Variants in FAM53C observed in about 807,000 individuals in gnomAD.
FAM53C encodes the protein protein FAM53C.
A neutral mutation model predicts 34.7 loss-of-function variants in FAM53C; 10 were observed. The ratio of observed to expected loss-of-function variants is 0.29; its 90% CI spans 0.18 to 0.49. The LOEUF (loss-of-function observed/expected upper bound fraction) is 0.49, where lower values mean the gene tolerates loss of function less well. Among genes scored for constraint, FAM53C ranks in the 20% least tolerant of loss-of-function variants. The pLI, the probability that FAM53C is intolerant of heterozygous loss-of-function variation, is 0.99. For synonymous variants in FAM53C, 203 were observed against 203.6 expected, an observed-to-expected ratio of 1.00 and a Z score of 0.03; for missense variants, 442 against 515.3, an observed-to-expected ratio of 0.86 and a Z score of 1.38.
chr5:138,342,062 T>G, intron 3 of FAM53C, 196 bp downstream of exon 3: 2 of 551,070 alleles, frequency 3.6e-6, no homozygotes, highest in Non-Finnish European at 6.6e-6. Flanking sequence ...TATTCTAGCT[T>G]TGTGGGGACT....
chr5:138,342,721 C>G (rs2126887147), intron 3 of FAM53C: 1 of 146,870 alleles, frequency 6.8e-6, no homozygotes, highest in East Asian at 2.0e-4. Flanking sequence ...GAGCAAAACT[C>G]TGTCTCAAAA....
chr5:138,339,739 A>G (rs933733085), intron 1 of FAM53C, among the ~76,000 whole-genome samples: 6 of 152,204 alleles, frequency 3.9e-5, no homozygotes, highest in African/African-American at 1.4e-4. Flanking sequence ...CGGAAGCTAG[A>G]ATTTTGTTCA....
At chr5:138,341,105 G>C in intron 1 of FAM53C, 79 bp from the exon 2 acceptor site, 1 of 636,376 alleles carries the variant, frequency 1.6e-6, no homozygotes, top group East Asian at 3.2e-5. Flanking sequence ...GGGTGCTGTG[G>C]TATGTGTGCC....
intron 1 of FAM53C, 108 bp from the exon 2 acceptor site, chr5:138,341,076 T>C: frequency 1.8e-6 from 1 of 566,438 alleles, no homozygotes; most frequent in Non-Finnish European, 3.4e-6. Flanking sequence ...AATTGATGTC[T>C]GCCAGAGGCC....
In FAM53C at chr5:138,348,370, G is replaced by C. The variant is rs1459722680; in HGVS notation, c.*1411G>C. 1 of 152,322 alleles carries C rather than the reference G, an allele frequency of 6.6e-6. No individual in the cohort carries two copies. The highest frequency in any genetic ancestry group is 1.5e-5 in the Non-Finnish European group (1 of 68,034). The allele number at this position is 152,322 out of a possible 1,614,324, so 9.4% of individuals were successfully genotyped here. On this transcript the variant is annotated 3_prime_UTR_variant, in exon 5 of 5. Transcript: ENST00000239906. Reference sequence around the variant, plus strand: ...TGGGTTTAAGTACCTTGGTAGGGCTGGCACCAGTGGAAACACATACTGAAG... The same window carrying C: ...TGGGTTTAAGTACCTTGGTAGGGCTCGCACCAGTGGAAACACATACTGAAG...
rs1182943677 is a variant in FAM53C, at chr5:138,346,817, C to G, written c.1037C>G (p.Thr346Ser). 1 of 1,614,140 alleles carries G rather than the reference C, an allele frequency of 6.2e-7. No individual in the cohort carries two copies. The highest frequency in any genetic ancestry group is 8.5e-7 in the Non-Finnish European group (1 of 1,180,018). Residue 346 changes from threonine to serine, a missense_variant, in exon 5 of 5, where the codon ACT (threonine) becomes AGT (serine). Thr to Ser is a moderately conservative substitution (Grantham distance 58, BLOSUM62 1). Transcript: ENST00000239906. ...CCCCTCTCTGCTTCCTGCAGCCCCA[C>G]TGGGGGTTCCTCCCAGGTGCTGAGT... ...PPPLSASCSP[T>S]GGSSQVLSES...
Position 138,344,831 on chromosome 5 carries a change from C to A in FAM53C, c.143C>A (p.Ala48Asp). 6.5e-7 allele frequency: 1 copy of A among 1,538,382 alleles called. No homozygotes were observed. The highest frequency in any genetic ancestry group is 1.3e-5 in the South Asian group (1 of 79,670). The stretch of plus-strand genomic sequence containing the variant: ...TATTATAAATGCCTTCCAGAAGGTG[C>A]TTCCTGGAGGGGCCTGCCCCACTGT... ...GNSFQLVSEG[A>D]SWRGLPHCSC... Residue 48 changes from alanine (A) to aspartate (D), a missense_variant, in exon 4 of 5, where the codon GCT becomes GAT. Ala to Asp is a moderately radical substitution (Grantham distance 126, BLOSUM62 -2). Transcript: ENST00000239906.
Position 138,345,059 on chromosome 5 carries a change from C to T in FAM53C, c.371C>T (p.Pro124Leu). Residue 124 changes from proline (P) to leucine (L), a missense_variant, in exon 4 of 5, where the codon CCC becomes CTC. Transcript: ENST00000239906. The surrounding 1 kb of genome is among the most constrained non-coding windows in gnomAD (Gnocchi z 6.3). ...AGGCACTGCCGCTCACTCTCAGTGCCCGTGGACCTGTCTCGCTGGCAGCCG... is the reference window on the plus strand; with the variant it reads ...AGGCACTGCCGCTCACTCTCAGTGCTCGTGGACCTGTCTCGCTGGCAGCCG... ...SKRHCRSLSV[P>L]VDLSRWQPVW... is the part of the protein sequence containing the mutation. 6.2e-7 allele frequency: 1 copy of T among 1,614,008 alleles called. No individual in the cohort carries two copies. The highest frequency in any genetic ancestry group is 8.5e-7 in the Non-Finnish European group (1 of 1,179,896).
chr5:138,346,481 C>T (rs762859521), intron 4 of FAM53C, among the ~76,000 whole-genome samples: 8 of 152,150 alleles, frequency 5.3e-5, no homozygotes, highest in Non-Finnish European at 8.8e-5. Context: ...AAAAATTAGC[C>T]GGGCGTGGGC....
rs753315065 is a variant in FAM53C, at chr5:138,345,316, C to T, written c.628C>T (p.Pro210Ser). 1.2e-6 allele frequency: 2 copies of T among 1,614,252 alleles called. No homozygotes were observed. The highest frequency in any genetic ancestry group is 2.2e-5 in the East Asian group (1 of 44,882). Residue 210 changes from proline (P) to serine (S), a missense_variant, in exon 4 of 5, where the codon CCT becomes TCT. Physicochemically the swap from Pro to Ser is moderately conservative, Grantham distance 74 (BLOSUM62 -1). Coordinates refer to ENST00000239906, the MANE Select transcript of FAM53C (RefSeq NM_016605.3). This position sits in a 1 kb window ranked among gnomAD's most constrained non-coding sequence, Gnocchi z 6.3. ...TTCCTCTCGACCCTGCGCCGCCTCC[C>T]CTCAAAGTGGCTCCTGGGAGAGTGA... ...QDSSRPCAAS[P>S]QSGSWESDAE...
chr5:138,343,876 A>G (rs1353532386), intron 3 of FAM53C: 1 of 152,264 alleles, frequency 6.6e-6, no homozygotes, highest in African/African-American at 2.4e-5. Flanking sequence ...CATAGTGGTT[A>G]GTAGAGGGAA....
Position 138,345,747 on chromosome 5 carries a change from C to T in FAM53C, c.921+138C>T, listed in dbSNP as rs1388549738. On this transcript the variant is annotated intron_variant, in intron 4 of 4. Coordinates refer to ENST00000239906, the MANE Select transcript of FAM53C (RefSeq NM_016605.3). The surrounding 1 kb of genome is among the most constrained non-coding windows in gnomAD (Gnocchi z 6.3). ...CTCCTTTAGCTCTTAGCTAGGGTGA[C>T]CTACCATCCCAGTTTGCCTGGGACT... is the stretch of plus-strand genomic sequence containing the variant. The T allele has an allele frequency of 4.9e-6, 5 of 1,026,108 alleles. No individual in the cohort carries two copies. Among genetic ancestry groups the T allele is most frequent in the Non-Finnish European group, 7.0e-6 (5 of 711,038 alleles). 63.6% of individuals were successfully genotyped at this position (1,026,108 alleles called of 1,614,324 possible).
At position 138,344,968 on chromosome 5, in the gene FAM53C, C is replaced by G; in HGVS notation, c.280C>G (p.Gln94Glu). The change falls in exon 4 of 5, where the codon CAA becomes GAA. Residue 94 changes from glutamine (Q) to glutamate (E), a missense_variant. Coordinates refer to ENST00000239906, the MANE Select transcript of FAM53C (RefSeq NM_016605.3). Reference protein sequence around the residue: ...GNSPKEQPFSQVLRPEPPDPE... With the variant: ...GNSPKEQPFSEVLRPEPPDPE... ...CTCCCCCAAGGAGCAGCCCTTCTCC[C>G]AAGTCCTAAGACCTGAGCCCCCAGA... The G allele has an allele frequency of 6.2e-7, 1 of 1,614,080 alleles. No individual in the cohort carries two copies. The highest frequency in any genetic ancestry group is 8.5e-7 in the Non-Finnish European group (1 of 1,179,994).
At position 138,349,282 on chromosome 5, in the gene FAM53C, C is replaced by T. The variant is rs1027574366; in HGVS notation, c.*2323C>T. 4.1e-4 allele frequency: 62 copies of T among 152,792 alleles called. No homozygotes were observed. Among genetic ancestry groups the T allele is most frequent in the African/African-American group, 1.4e-3 (58 of 41,574 alleles). The allele number at this position is 152,792 out of a possible 1,614,324, so 9.5% of individuals were successfully genotyped here. A position where few individuals can be genotyped will look rare whatever the true frequency, so the allele number is the denominator to read the frequency against. ...ATTTAAAAGCAGCCTATGATTGCTT[C>T]TTTTTGTAAAGCAAGCAACCTCCCT... On this transcript the variant is annotated 3_prime_UTR_variant, in exon 5 of 5. Transcript: ENST00000239906.
At chr5:138,343,927 A>T (rs1387090823) in intron 3 of FAM53C, among the ~76,000 whole-genome samples, 2 of 152,192 alleles carry the variant, frequency 1.3e-5, no homozygotes, top group African/African-American at 4.8e-5. Context: ...TTTTGCCACC[A>T]TCAAGTCTGA....
chr5:138,337,783 A>C, upstream of FAM53C: 1 of 389,108 alleles, frequency 2.6e-6, no homozygotes, highest in Non-Finnish European at 4.7e-6. Context: ...CACGCCGCGG[A>C]CGGGTCCTTT....
Position 138,346,781 on chromosome 5 carries a change from G to A in FAM53C, c.1001G>A (p.Cys334Tyr), listed in dbSNP as rs1301113281. 1 of 1,614,192 alleles carries A rather than the reference G, an allele frequency of 6.2e-7. No individual in the cohort carries two copies. Among genetic ancestry groups the A allele is most frequent in the East Asian group, 2.2e-5 (1 of 44,888 alleles). The change falls in exon 5 of 5, where the codon TGT becomes TAT. Residue 334 changes from cysteine to tyrosine, a missense_variant. Cys to Tyr is a radical substitution (Grantham distance 194, BLOSUM62 -2). Transcript: ENST00000239906. Reference sequence around the variant, plus strand: ...ATCTCTCCACCATGGTTCATGGCCTGTAGCCCCCCACCCCTCTCTGCTTCC... The same window carrying A: ...ATCTCTCCACCATGGTTCATGGCCTATAGCCCCCCACCCCTCTCTGCTTCC... ...SSISPPWFMA[C>Y]SPPPLSASCS...
intron 1 of FAM53C, 137 bp downstream of exon 1, chr5:138,338,444 AC>A (rs1760888944): frequency 1.2e-5 from 4 of 333,152 alleles, no homozygotes; most frequent in South Asian, 8.8e-5. Context: ...CGGGGAGAGC[AC>A]GGGACCCGGT....
rs1383369247 is a variant in FAM53C, at chr5:138,344,889, C to A, written c.201C>A (p.Phe67Leu). The change falls in exon 4 of 5, where the codon TTC becomes TTA. Residue 67 changes from phenylalanine to leucine, a missense_variant. Phe to Leu is a conservative substitution (Grantham distance 22). Coordinates refer to ENST00000239906, the MANE Select transcript of FAM53C (RefSeq NM_016605.3). ...CTGAGTTCCAGGACAGCCTCAACTT[C>A]AGCTACCATCCCTCAGGCCTGAGCC... is the stretch of plus-strand genomic sequence containing the variant. ...SCAEFQDSLN[F>L]SYHPSGLSLH... 1 of 1,612,258 alleles carries A rather than the reference C, an allele frequency of 6.2e-7. No individual in the cohort carries two copies. The highest frequency in any genetic ancestry group is 8.5e-7 in the Non-Finnish European group (1 of 1,179,160).
Sources: gnomAD v4.1 joint callset for allele counts (sites outside exome capture counted in the v4.1 genomes callset) on GRCh38, gnomAD v4.1.1 for gene constraint, Gnocchi (gnomAD v3.1) non-coding constraint, MANE v1.5 for transcripts, NCBI Gene and HGNC (gene_info 2026-07-23, HGNC 2026-07-21) for gene names.